The following TRPC4AP variants were observed in gnomAD, a reference collection of about 807,000 sequenced individuals.
The protein encoded by TRPC4AP is short transient receptor potential channel 4-associated protein.
TRPC4AP carries 45 observed loss-of-function variants against 99.0 expected under a neutral mutation model. The ratio of observed to expected loss-of-function variants is 0.45; its 90% CI spans 0.36 to 0.58. The LOEUF (loss-of-function observed/expected upper bound fraction) is 0.58. Among genes scored for constraint, TRPC4AP ranks in the 20% least tolerant of loss-of-function variants. The pLI, the probability that TRPC4AP is intolerant of heterozygous loss-of-function variation, is 0.00. For missense variants in TRPC4AP, 879 were observed against 985.3 expected, an observed-to-expected ratio of 0.89 and a Z score of 1.44; for synonymous variants, 408 against 385.8, an observed-to-expected ratio of 1.06 and a Z score of -0.67.
intron 8 of TRPC4AP, among the ~76,000 whole-genome samples, chr20:35,030,031 CAG>C (rs2083142443): frequency 6.7e-6 from 1 of 148,266 alleles, no homozygotes; most frequent in African/African-American, 2.5e-5. Context: ...CACCTGAGGT[CAG>C]GAGATCGAGA....
At chr20:35,034,274 T>C (rs1446597778) in intron 8 of TRPC4AP, among the ~76,000 whole-genome samples, 1 of 151,958 alleles carries the variant, frequency 6.6e-6, no homozygotes, top group Non-Finnish European at 1.5e-5. Context: ...ATTAACTGCC[T>C]CTCTCTGTGG....
chr20:35,003,111 A>C lies in TRPC4AP; in HGVS notation c.*35T>G. On this transcript the variant is annotated 3_prime_UTR_variant, in exon 19 of 19. Coordinates refer to ENST00000252015, the MANE Select transcript of TRPC4AP (RefSeq NM_015638.3). ...TGGCATCGTACCCACGCTCACCCAC[A>C]CTGGCCCAGCAGCCTCCCGAGGCCT... is the stretch of plus-strand genomic sequence containing the variant. 1 of 1,612,676 alleles carries C rather than the reference A, an allele frequency of 6.2e-7. No individual in the cohort carries two copies. The highest frequency in any genetic ancestry group is 8.5e-7 in the Non-Finnish European group (1 of 1,179,338).
At chr20:35,015,461 CT>C (rs57896641) in intron 10 of TRPC4AP, among the ~76,000 whole-genome samples, 23,640 of 125,828 alleles carry the variant, frequency 0.19, 1,836 homozygotes, top group Middle Eastern at 0.35. Flanking sequence ...CAGGCAGGAA[CT>C]TTTTTTTTTT....
At chr20:35,039,702 T>C (rs1044314141) in intron 7 of TRPC4AP, among the ~76,000 whole-genome samples, 2 of 152,158 alleles carry the variant, frequency 1.3e-5, no homozygotes, top group African/African-American at 4.8e-5. Context: ...GACAATTATC[T>C]AGCCTATAGC....
Position 35,027,525 on chromosome 20 carries a change from T to C in TRPC4AP, c.1052-6169A>G, listed in dbSNP as rs569054598. Among the ~76,000 whole-genome samples the C allele has an allele frequency of 3.9e-5, 6 of 152,358 alleles. No homozygotes were observed. The South Asian group carries it at 1.2e-3, about 32-fold the overall frequency. On this transcript the variant is annotated intron_variant, in intron 8 of 18. Coordinates refer to ENST00000252015, the MANE Select transcript of TRPC4AP (RefSeq NM_015638.3). The stretch of plus-strand genomic sequence containing the variant: ...ATCTGGTTTTGGTATCATGATAATA[T>C]GACCTCAAAGAGTAAGTTGGGAACT...
intron 2 of TRPC4AP, among the ~76,000 whole-genome samples, chr20:35,071,324 C>T (rs947453108): frequency 2.0e-5 from 3 of 151,940 alleles, no homozygotes; most frequent in African/African-American, 7.3e-5. Flanking sequence ...GGTACTTGTG[C>T]ACAACATGCA....
At chr20:35,038,778 A>G (rs906417797) in intron 7 of TRPC4AP, among the ~76,000 whole-genome samples, 1 of 152,234 alleles carries the variant, frequency 6.6e-6, no homozygotes, top group Non-Finnish European at 1.5e-5. Context: ...TTTTTTCTAA[A>G]AACAAATCAG....
chr20:35,006,038 G>T (rs1160071927), intron 15 of TRPC4AP, among the ~76,000 whole-genome samples: 2 of 152,188 alleles, frequency 1.3e-5, no homozygotes, highest in Non-Finnish European at 2.9e-5. Context: ...TACGCTCAAG[G>T]GTGCTGGATT....
intron 9 of TRPC4AP, among the ~76,000 whole-genome samples, chr20:35,016,825 T>C (rs2082765570): frequency 6.6e-6 from 1 of 152,196 alleles, no homozygotes; most frequent in Admixed American, 6.5e-5. Context: ...GGCAAAGAAA[T>C]TCCTCTATAA....
At chr20:35,086,527 G>A (rs57540562) in intron 1 of TRPC4AP, among the ~76,000 whole-genome samples, 738 of 19,066 alleles carry the variant, frequency 0.039, 31 homozygotes, top group African/African-American at 0.21. Context: ...GTGTATATAT[G>A]TGTGTGTGTG....
chr20:35,016,460 T>TGCAA (rs1486999082), intron 9 of TRPC4AP, among the ~76,000 whole-genome samples: 1 of 152,220 alleles, frequency 6.6e-6, no homozygotes, highest in East Asian at 1.9e-4. Context: ...GTCCTGGGTT[T>TGCAA]GACTCTTAGC....
intron 10 of TRPC4AP, 31 bp downstream of exon 10, chr20:35,015,977 C>T (rs749229112): frequency 9.3e-6 from 15 of 1,613,660 alleles, no homozygotes; most frequent in South Asian, 1.1e-5. Flanking sequence ...GCCAGTGAGG[C>T]CCCATCTGTC....
intron 1 of TRPC4AP, among the ~76,000 whole-genome samples, chr20:35,088,059 T>A (rs1274396428): frequency 2.0e-5 from 3 of 152,212 alleles, no homozygotes; most frequent in Admixed American, 6.5e-5. Context: ...GAAACACGAA[T>A]GGAAACAGAA....
rs190099381 is a variant in TRPC4AP at position 35,013,252 on chromosome 20, G to C, written c.1351-186C>G. 1.6e-4 allele frequency among the ~76,000 whole-genome samples: 24 copies of C among 152,062 alleles called. No homozygotes were observed. In the East Asian group the frequency reaches 4.6e-3, roughly 29 times the overall value. ...GATCAACAGCAGATTAAGCTAATGT[G>C]GCCCCCTTCCTGCTAAAAACATGCC... On this transcript the variant is annotated intron_variant, in intron 10 of 18. Transcript: ENST00000252015.
Position 35,060,585 on chromosome 20 carries a change from C to A in TRPC4AP, c.415-3014G>T, listed in dbSNP as rs12480442. On this transcript the variant is annotated intron_variant, in intron 3 of 18. Coordinates refer to ENST00000252015, the MANE Select transcript of TRPC4AP (RefSeq NM_015638.3). ...CTGGGTGACAGAGAGACCTTGTCTC[C>A]AAAAAAAAAAAAAAAAAAAAAAAAA... Among the ~76,000 whole-genome samples the A allele has an allele frequency of 1.7e-3, 119 of 70,382 alleles. 2 individuals carry two copies. Among genetic ancestry groups the A allele is most frequent in the African/African-American group, 2.9e-3 (49 of 17,136 alleles). 46.2% of individuals were successfully genotyped at this position (70,382 alleles called of 152,430 possible).
chr20:35,089,285 G>A (rs1261772467), intron 1 of TRPC4AP, among the ~76,000 whole-genome samples: 2 of 151,942 alleles, frequency 1.3e-5, no homozygotes, highest in Non-Finnish European at 2.9e-5. Flanking sequence ...GCAGTGTAAT[G>A]GTGTGATCAT....
chr20:35,047,868 CA>C (rs2083596328), intron 6 of TRPC4AP, among the ~76,000 whole-genome samples: 1 of 152,034 alleles, frequency 6.6e-6, no homozygotes, highest in Non-Finnish European at 1.5e-5. Context: ...TAACCCATGG[CA>C]AAATACTGAT....
chr20:35,088,177 T>A (rs756792366), intron 1 of TRPC4AP, among the ~76,000 whole-genome samples: 1 of 152,254 alleles, frequency 6.6e-6, no homozygotes, highest in Non-Finnish European at 1.5e-5. Context: ...CAGTCACTAT[T>A]TTAAGTGCTT....
chr20:35,020,504 C>T (rs946996797), intron 9 of TRPC4AP, among the ~76,000 whole-genome samples: 4 of 152,180 alleles, frequency 2.6e-5, no homozygotes, highest in Non-Finnish European at 5.9e-5. Flanking sequence ...TTCATCCTCA[C>T]TTGTAAAATG....
Sources: allele counts gnomAD v4.1 joint callset (sites outside exome capture counted in the v4.1 genomes callset), GRCh38; gene constraint gnomAD v4.1.1; transcripts MANE v1.5; gene names NCBI Gene and HGNC (gene_info 2026-07-23, HGNC 2026-07-21).